Variants in SEMA5B observed in about 807,000 individuals in gnomAD.
SEMA5B encodes the protein semaphorin-5B.
SEMA5B carries 66 observed loss-of-function variants against 135.0 expected under a neutral mutation model. The ratio of observed to expected loss-of-function variants is 0.49; its 90% CI spans 0.40 to 0.60. The LOEUF (loss-of-function observed/expected upper bound fraction) is 0.60, where lower values mean the gene tolerates loss of function less well. Ranked by LOEUF, SEMA5B falls within the 20% of genes least tolerant of loss-of-function variation. The pLI is 0.00. For missense variants in SEMA5B, 1,501 were observed against 1,566.3 expected (o/e 0.96, Z 0.70); for synonymous variants, 690 against 639.5 (o/e 1.08, Z -1.19).
At chr3:122,965,407 G>A (rs1353879183) in intron 1 of SEMA5B, among the ~76,000 whole-genome samples, 1 of 152,212 alleles carries the variant, frequency 6.6e-6, no homozygotes, top group Admixed American at 6.5e-5. Context: ...TACAGGCTCT[G>A]GGAAGACATT....
At chr3:122,957,220 G>C (rs766621597) in intron 2 of SEMA5B, among the ~76,000 whole-genome samples, 26 of 152,244 alleles carry the variant, frequency 1.7e-4, no homozygotes, top group Non-Finnish European at 3.2e-4. Flanking sequence ...TGGGAAGTTT[G>C]GTGGCAGTGA....
At position 122,943,542 on chromosome 3, in the gene SEMA5B, G is replaced by C. The variant is rs759721913; in HGVS notation, c.329-7C>G. 1 of 1,594,922 alleles carries C rather than the reference G, an allele frequency of 6.3e-7. No individual in the cohort carries two copies. Among genetic ancestry groups the C allele is most frequent in the Non-Finnish European group, 8.6e-7 (1 of 1,168,642 alleles). ...GAGACCCACGGCTGCAGGTCTGGTG[G>C]AGGGAGAGGCAACCCTGTGGTTACT... On this transcript the variant is annotated splice_region_variant and splice_polypyrimidine_tract_variant and intron_variant, in intron 3 of 22. Transcript: ENST00000357599.
At chr3:122,925,076 C>G (rs1938555614) in intron 9 of SEMA5B, among the ~76,000 whole-genome samples, 2 of 152,206 alleles carry the variant, frequency 1.3e-5, no homozygotes, top group African/African-American at 2.4e-5. Context: ...TCCACCTACT[C>G]CTGACTCTCG....
chr3:122,977,480 C>T (rs1376905396), intron 1 of SEMA5B, among the ~76,000 whole-genome samples: 1 of 152,210 alleles, frequency 6.6e-6, no homozygotes, highest in Non-Finnish European at 1.5e-5. Flanking sequence ...AAGTCTGGCA[C>T]TCCTAGAACT....
chr3:122,982,916 C>T (rs968774088), intron 1 of SEMA5B, among the ~76,000 whole-genome samples: 2 of 152,216 alleles, frequency 1.3e-5, no homozygotes, highest in African/African-American at 4.8e-5. Flanking sequence ...GGCCTGTCCA[C>T]CAGCTGGTCA....
At chr3:122,971,663 G>A (rs1941122553) in intron 1 of SEMA5B, among the ~76,000 whole-genome samples, 1 of 152,260 alleles carries the variant, frequency 6.6e-6, no homozygotes, top group Non-Finnish European at 1.5e-5. Context: ...TGCCCAGTGG[G>A]GAAGGTGTTC....
intron 1 of SEMA5B, among the ~76,000 whole-genome samples, chr3:122,987,947 C>A (rs948629315): frequency 6.6e-6 from 1 of 152,004 alleles, no homozygotes; most frequent in Non-Finnish European, 1.5e-5. Flanking sequence ...TGGTTACTTA[C>A]CGCAAGTTGG....
intron 12 of SEMA5B, among the ~76,000 whole-genome samples, chr3:122,919,750 C>T (rs1020772910): frequency 3.3e-5 from 5 of 152,302 alleles, no homozygotes; most frequent in Admixed American, 2.6e-4. Flanking sequence ...GCGTTTCATA[C>T]TTTTTGGATT....
At chr3:123,015,637 C>T (rs143911775) in intron 1 of SEMA5B, among the ~76,000 whole-genome samples, 2 of 152,106 alleles carry the variant, frequency 1.3e-5, no homozygotes, top group African/African-American at 2.4e-5. Context: ...CCAGCCACAG[C>T]GAGAAGAGAT....
intron 1 of SEMA5B, among the ~76,000 whole-genome samples, chr3:123,021,678 T>A (rs546069495): frequency 6.6e-6 from 1 of 152,326 alleles, no homozygotes; most frequent in Admixed American, 6.5e-5. Flanking sequence ...GCCATTTCCC[T>A]AAAGTTGCCT....
intron 8 of SEMA5B, among the ~76,000 whole-genome samples, chr3:122,927,074 T>C (rs1272174498): frequency 6.6e-6 from 1 of 152,232 alleles, no homozygotes; most frequent in African/African-American, 2.4e-5. Flanking sequence ...ATTTTCACCA[T>C]CACTTTTAAT....
intron 5 of SEMA5B, among the ~76,000 whole-genome samples, chr3:122,935,980 A>G (rs1169078085): frequency 6.6e-6 from 1 of 152,114 alleles, no homozygotes; most frequent in Non-Finnish European, 1.5e-5. Flanking sequence ...GGAGTGAGCC[A>G]CTGTGCCCAG....
chr3:123,006,777 A>T (rs1576405368), intron 1 of SEMA5B, among the ~76,000 whole-genome samples: 1 of 151,170 alleles, frequency 6.6e-6, no homozygotes, highest in Non-Finnish European at 1.5e-5. Flanking sequence ...CATCCTTACC[A>T]CCCTCCCCCC....
At chr3:122,995,709 G>A (rs140044676) in intron 1 of SEMA5B, among the ~76,000 whole-genome samples, 2 of 152,310 alleles carry the variant, frequency 1.3e-5, no homozygotes, top group African/African-American at 4.8e-5. Flanking sequence ...GGGCCAGGAG[G>A]TTTGGGTTCT....
Position 122,913,940 on chromosome 3 carries a change from A to G in SEMA5B, c.2050T>C (p.Phe684Leu). 9 of 1,612,470 alleles carry G rather than the reference A, an allele frequency of 5.6e-6. No individual in the cohort carries two copies. Among genetic ancestry groups the G allele is most frequent in the Non-Finnish European group, 7.6e-6 (9 of 1,179,892 alleles). The change falls in exon 15 of 23, where the codon TTC (phenylalanine) becomes CTC (leucine). Residue 684 changes from phenylalanine (F) to leucine (L), a missense_variant. Coordinates refer to ENST00000357599, the MANE Select transcript of SEMA5B (RefSeq NM_001031702.4). ...CTGCAACTTCGCTGGCGGACCTGGA[A>G]GCCGATGCCACAGGACGTGCTGCAC... Reference protein sequence around the residue: ...ALCSTSCGIGFQVRQRSCSNP... With the variant: ...ALCSTSCGIGLQVRQRSCSNP...
rs116089267 is a variant in SEMA5B at position 122,929,549 on chromosome 3, A to G, written c.475-491T>C. Among the ~76,000 whole-genome samples the G allele has an allele frequency of 6.3e-3, 964 of 152,276 alleles. 8 individuals are homozygous for G. Among genetic ancestry groups the G allele is most frequent in the African/African-American group, 0.021 (871 of 41,540 alleles). On this transcript the variant is annotated intron_variant, in intron 5 of 22. Transcript: ENST00000357599. The stretch of plus-strand genomic sequence containing the variant: ...GTTGACAACTCTGGGCTTTTTCCTT[A>G]ACAGATGGGGAAAACCAAGGTTCTG...
At chr3:122,940,511 T>C (rs1256534935) in intron 4 of SEMA5B, among the ~76,000 whole-genome samples, 1 of 152,266 alleles carries the variant, frequency 6.6e-6, no homozygotes, top group East Asian at 1.9e-4. Flanking sequence ...TTCTGTCTTC[T>C]TTGGGCTATT....
intron 1 of SEMA5B, among the ~76,000 whole-genome samples, chr3:123,011,837 T>C (rs959866534): frequency 6.6e-6 from 1 of 151,988 alleles, no homozygotes; most frequent in Middle Eastern, 3.2e-3. Context: ...TCCCATCACC[T>C]CTCCAGGACA....
At chr3:123,004,567 T>C (rs899212078) in intron 1 of SEMA5B, among the ~76,000 whole-genome samples, 1 of 152,216 alleles carries the variant, frequency 6.6e-6, no homozygotes, top group Non-Finnish European at 1.5e-5. Context: ...AATGTAAAAC[T>C]GTTGTTGCTT....
Sources: gnomAD v4.1 joint callset for allele counts (sites outside exome capture counted in the v4.1 genomes callset) on GRCh38, gnomAD v4.1.1 for gene constraint, MANE v1.5 for transcripts, NCBI Gene and HGNC (gene_info 2026-07-23, HGNC 2026-07-21) for gene names.